The following MGAT4C variants were observed in gnomAD, a reference collection of about 807,000 sequenced individuals.
The protein encoded by MGAT4C is MGAT4 family member C.
A neutral mutation model predicts 40.1 loss-of-function variants in MGAT4C; 19 were observed. The ratio of observed to expected loss-of-function variants is 0.47; its 90% CI spans 0.33 to 0.70. MGAT4C has a LOEUF of 0.70. MGAT4C is among the 30% of genes least tolerant of loss of function. The pLI is 0.02. For synonymous variants in MGAT4C, 181 were observed against 187.1 expected (o/e 0.97, Z 0.27); for missense variants, 491 against 563.2 (o/e 0.87, Z 1.30).
intron 2 of MGAT4C, among the ~76,000 whole-genome samples, chr12:86,683,322 C>A (rs956131101): frequency 6.6e-6 from 1 of 152,146 alleles, no homozygotes; most frequent in Non-Finnish European, 1.5e-5. Context: ...TATCTATCAT[C>A]TATTTACTTT....
intron 1 of MGAT4C, among the ~76,000 whole-genome samples, chr12:86,220,981 T>A (rs1950856455): frequency 6.6e-6 from 1 of 152,178 alleles, no homozygotes; most frequent in African/African-American, 2.4e-5. Context: ...CCTATTTAAA[T>A]TCTCTTGCTA....
rs561539430 is a variant in MGAT4C at position 86,542,192 on chromosome 12, C to G, written c.-228-106927G>C. ...GAAATAGGGCTCAGTGATATTTTAA[C>G]AAGCCCTTTGTGATTCTAAGACATG... On this transcript the variant is annotated intron_variant, in intron 2 of 7. Coordinates refer to the MGAT4C transcript ENST00000548651. 6.6e-5 allele frequency among the ~76,000 whole-genome samples: 10 copies of G among 152,266 alleles called. No individual in the cohort carries two copies. In the South Asian group the frequency reaches 2.1e-3, roughly 32 times the overall value.
At chr12:86,806,401 T>C (rs954985127) in intron 1 of MGAT4C, among the ~76,000 whole-genome samples, 3 of 151,690 alleles carry the variant, frequency 2.0e-5, no homozygotes, top group Non-Finnish European at 4.4e-5. Context: ...TCATGGATCT[T>C]ACTCAGATTT....
intron 1 of MGAT4C, among the ~76,000 whole-genome samples, chr12:86,794,678 T>C (rs1361072501): frequency 6.6e-6 from 1 of 151,944 alleles, no homozygotes; most frequent in Non-Finnish European, 1.5e-5. Context: ...GGAAGTATTC[T>C]CTGAGGGAAC....
At chr12:86,463,520 G>A (rs544237948) in intron 2 of MGAT4C, among the ~76,000 whole-genome samples, 1 of 152,002 alleles carries the variant, frequency 6.6e-6, no homozygotes, top group Non-Finnish European at 1.5e-5. Context: ...ATATCTTTTC[G>A]TGTCCTTTAT....
intron 2 of MGAT4C, among the ~76,000 whole-genome samples, chr12:86,692,425 A>G (rs1050252152): frequency 7.2e-5 from 11 of 152,182 alleles, no homozygotes; most frequent in African/African-American, 2.7e-4. Flanking sequence ...TACTCAAAAA[A>G]CAATCATTAT....
intron 2 of MGAT4C, among the ~76,000 whole-genome samples, chr12:86,484,788 G>A (rs1298221788): frequency 6.6e-6 from 1 of 152,140 alleles, no homozygotes; most frequent in Admixed American, 6.5e-5. Flanking sequence ...AGGAAATGTG[G>A]ACATGGCACC....
intron 4 of MGAT4C, among the ~76,000 whole-genome samples, chr12:86,308,325 A>C (rs1364135261): frequency 6.6e-6 from 1 of 150,612 alleles, no homozygotes; most frequent in Non-Finnish European, 1.5e-5. Context: ...AAAAATACAA[A>C]TAAAACAGCA....
At chr12:86,056,979 A>T (rs1431809272) in intron 1 of MGAT4C, among the ~76,000 whole-genome samples, 1 of 152,060 alleles carries the variant, frequency 6.6e-6, no homozygotes, top group Non-Finnish European at 1.5e-5. Flanking sequence ...AAACATACTA[A>T]TATTGGAGAA....
At position 86,476,593 on chromosome 12, in the gene MGAT4C, G is replaced by GA. The variant is rs541370154; in HGVS notation, c.-228-41329dup. Among the ~76,000 whole-genome samples the GA allele has an allele frequency of 1.9e-4, 28 of 148,794 alleles. No individual in the cohort carries two copies. In the East Asian group the frequency reaches 2.8e-3, roughly 15 times the overall value. On this transcript the variant is annotated intron_variant, in intron 2 of 7. Coordinates refer to the MGAT4C transcript ENST00000548651. ...CACTCCTGGGTTTATATACCCAAAG[G>GA]AAAAAAAAAATTTATCAAAAAGACA... is the stretch of plus-strand genomic sequence containing the variant.
At chr12:86,424,150 T>A (rs1956881169) in intron 3 of MGAT4C, among the ~76,000 whole-genome samples, 1 of 152,190 alleles carries the variant, frequency 6.6e-6, no homozygotes, top group Admixed American at 6.5e-5. Flanking sequence ...AAATAAAAAT[T>A]AGAAGCATTG....
chr12:86,690,165 C>T (rs1403498011), intron 2 of MGAT4C, among the ~76,000 whole-genome samples: 1 of 152,136 alleles, frequency 6.6e-6, no homozygotes, highest in African/African-American at 2.4e-5. Flanking sequence ...GCCCCTCCCC[C>T]TACCAAGCAC....
chr12:86,759,243 T>C (rs1951359231), intron 1 of MGAT4C, among the ~76,000 whole-genome samples: 1 of 152,156 alleles, frequency 6.6e-6, no homozygotes, highest in African/African-American at 2.4e-5. Context: ...CTGAATAGTA[T>C]TCCATTGTGT....
At chr12:86,441,242 A>G (rs1010554285) in intron 2 of MGAT4C, among the ~76,000 whole-genome samples, 3 of 152,042 alleles carry the variant, frequency 2.0e-5, no homozygotes, top group Admixed American at 6.6e-5. Context: ...TAACCAAAAT[A>G]GTACGGTACT....
chr12:86,734,003 G>T (rs989608206), intron 1 of MGAT4C, among the ~76,000 whole-genome samples: 2 of 152,028 alleles, frequency 1.3e-5, no homozygotes, highest in Non-Finnish European at 2.9e-5. Flanking sequence ...AAAATGTCGT[G>T]GTCAATTCTG....
At chr12:86,021,123 C>A (rs1274757053) in intron 2 of MGAT4C, among the ~76,000 whole-genome samples, 2 of 152,156 alleles carry the variant, frequency 1.3e-5, no homozygotes, top group Non-Finnish European at 2.9e-5. Flanking sequence ...AACAGGAACA[C>A]TTTTACACTG....
intron 2 of MGAT4C, among the ~76,000 whole-genome samples, chr12:86,697,817 G>T (rs992082045): frequency 6.6e-6 from 1 of 151,984 alleles, no homozygotes; most frequent in African/African-American, 2.4e-5. Context: ...AATACTGAAG[G>T]TTATATAATA....
chr12:86,194,438 G>A (rs1355919637), intron 1 of MGAT4C, among the ~76,000 whole-genome samples: 1 of 151,504 alleles, frequency 6.6e-6, no homozygotes, highest in Non-Finnish European at 1.5e-5. Context: ...TAGGAGGCAG[G>A]AGAGTAGGAG....
At chr12:86,290,492 G>A (rs1953481696) in intron 4 of MGAT4C, among the ~76,000 whole-genome samples, 1 of 152,092 alleles carries the variant, frequency 6.6e-6, no homozygotes, top group African/African-American at 2.4e-5. Flanking sequence ...GATCCTTAAA[G>A]TGAGATATTG....
Sources: allele counts gnomAD v4.1 joint callset (sites outside exome capture counted in the v4.1 genomes callset), GRCh38; gene constraint gnomAD v4.1.1; transcripts MANE v1.5; gene names NCBI Gene and HGNC (gene_info 2026-07-23, HGNC 2026-07-21).